Variants in FARS2 observed in about 807,000 individuals in gnomAD.
FARS2 encodes the protein phenylalanine--tRNA ligase, mitochondrial.
In FARS2, 40 loss-of-function variants were observed where a neutral mutation model predicts 46.4. That is an observed-to-expected ratio of 0.86 (90% CI 0.67 to 1.12). The LOEUF is 1.12. FARS2 is among the 50% of genes most tolerant of loss of function. FARS2 has a pLI of 0.00. For synonymous variants in FARS2, 234 were observed against 214.9 expected (o/e 1.09, Z -0.78); for missense variants, 513 against 567.9 (o/e 0.90, Z 0.98).
At chr6:5,718,448 A>G (rs1312957537) in intron 6 of FARS2, among the ~76,000 whole-genome samples, 1 of 152,146 alleles carries the variant, frequency 6.6e-6, no homozygotes, top group African/African-American at 2.4e-5. Flanking sequence ...CTGTGATACA[A>G]GTGTTGGCGG....
chr6:5,260,593 C>A (rs1393355450), upstream of FARS2: 2 of 1,199,134 alleles, frequency 1.7e-6, no homozygotes, highest in African/African-American at 3.2e-5. Flanking sequence ...AGCCCGCACC[C>A]CCGGTCCCCG....
intron 6 of FARS2, among the ~76,000 whole-genome samples, chr6:5,625,292 C>T (rs1355016202): frequency 5.9e-5 from 9 of 152,166 alleles, no homozygotes; most frequent in African/African-American, 1.9e-4. Flanking sequence ...TTGGGCCTCA[C>T]GTTGCTGGTC....
chr6:5,325,713 A>G (rs1326967985), intron 1 of FARS2, among the ~76,000 whole-genome samples: 1 of 152,206 alleles, frequency 6.6e-6, no homozygotes, highest in African/African-American at 2.4e-5. Flanking sequence ...GAAAATTTTA[A>G]ATGATTTTTT....
chr6:5,333,392 C>T (rs797131), intron 1 of FARS2, among the ~76,000 whole-genome samples: 59,410 of 151,986 alleles, frequency 0.39, 11,836 homozygotes, highest in African/African-American at 0.43. Context: ...GAGCCCAGGA[C>T]TGTTTCTTTC....
At chr6:5,295,690 G>T (rs1183643005) in intron 1 of FARS2, among the ~76,000 whole-genome samples, 1 of 152,088 alleles carries the variant, frequency 6.6e-6, no homozygotes, top group Non-Finnish European at 1.5e-5. Flanking sequence ...CAGTAGAATC[G>T]GTTGTTTTTA....
chr6:5,746,935 G>A (rs961296664), intron 6 of FARS2, among the ~76,000 whole-genome samples: 3 of 152,220 alleles, frequency 2.0e-5, no homozygotes, highest in African/African-American at 7.2e-5. Flanking sequence ...TATGATGGGA[G>A]AGCGTGTGCA....
At chr6:5,615,383 C>G (rs1249255367) in intron 6 of FARS2, among the ~76,000 whole-genome samples, 3 of 152,140 alleles carry the variant, frequency 2.0e-5, no homozygotes, top group Admixed American at 1.3e-4. Flanking sequence ...TCTTTTCTCC[C>G]TTGTGTACCT....
chr6:5,460,395 G>T (rs1251425226), intron 4 of FARS2, among the ~76,000 whole-genome samples: 1 of 152,202 alleles, frequency 6.6e-6, no homozygotes, highest in African/African-American at 2.4e-5. Context: ...CAGTTGGAGG[G>T]CCAGAAACCA....
chr6:5,329,899 C>T (rs79982774), intron 1 of FARS2, among the ~76,000 whole-genome samples: 1,729 of 152,204 alleles, frequency 0.011, 29 homozygotes, highest in African/African-American at 0.04. Flanking sequence ...TTAATTACAT[C>T]GACATGATAG....
chr6:5,616,010 TAAAAAAAAAAA>T (rs11327256), intron 6 of FARS2, among the ~76,000 whole-genome samples: 11 of 95,830 alleles, frequency 1.1e-4, no homozygotes, highest in Admixed American at 1.1e-3. Flanking sequence ...CCATAGCTCT[TAAAAAAAAAAA>T]AAAAAAAAAA....
intron 6 of FARS2, among the ~76,000 whole-genome samples, chr6:5,712,045 A>G (rs1053683470): frequency 3.9e-5 from 6 of 152,216 alleles, no homozygotes; most frequent in Non-Finnish European, 7.3e-5. Flanking sequence ...AATTATATAA[A>G]CTTAATTACA....
chr6:5,380,495 C>T (rs184444980), intron 2 of FARS2, among the ~76,000 whole-genome samples: 67 of 152,296 alleles, frequency 4.4e-4, no homozygotes, highest in Non-Finnish European at 8.4e-4. Context: ...TGTGTATCAT[C>T]GAATGCTACT....
chr6:5,486,377 G>A (rs1259107210), intron 4 of FARS2, among the ~76,000 whole-genome samples: 1 of 152,142 alleles, frequency 6.6e-6, no homozygotes, highest in Admixed American at 6.5e-5. Flanking sequence ...CGCAGAACAG[G>A]TCTGTTCTTG....
In FARS2 at chr6:5,438,251, C is replaced by G. The variant is rs1322800310; in HGVS notation, c.904+7079C>G. On this transcript the variant is annotated intron_variant, in intron 4 of 6. Coordinates refer to ENST00000274680, the MANE Select transcript of FARS2 (RefSeq NM_006567.5). ...AAGGCTTCTACCCACCCCCCGCCCCCCCCCCCATTTTTGTTTTTCAGCCAT... is the reference window on the plus strand; with the variant it reads ...AAGGCTTCTACCCACCCCCCGCCCCGCCCCCCATTTTTGTTTTTCAGCCAT... Among the ~76,000 whole-genome samples, 32 of 80,342 alleles carry G rather than the reference C, an allele frequency of 4.0e-4. 4 individuals carry two copies. The highest frequency in any genetic ancestry group is 1.4e-3 in the African/African-American group (28 of 20,248). 52.7% of individuals were successfully genotyped at this position (80,342 alleles called of 152,430 possible). A position where few individuals can be genotyped will look rare whatever the true frequency, so the allele number is the denominator to read the frequency against.
intron 2 of FARS2, among the ~76,000 whole-genome samples, chr6:5,399,486 G>A (rs1338000827): frequency 6.6e-6 from 1 of 152,004 alleles, no homozygotes; most frequent in East Asian, 1.9e-4. Flanking sequence ...GTTTTGCGTA[G>A]ATAAAGTATT....
chr6:5,617,166 T>C lies in FARS2; in HGVS notation c.1217+3846T>C, dbSNP rs572026048. Among the ~76,000 whole-genome samples the C allele has an allele frequency of 2.6e-5, 4 of 151,904 alleles. No homozygotes were observed. The South Asian group carries it at 6.3e-4, about 24-fold the overall frequency. On this transcript the variant is annotated intron_variant, in intron 6 of 6. Coordinates refer to ENST00000274680, the MANE Select transcript of FARS2 (RefSeq NM_006567.5). ...AAATATTTTTCTAAAAAAAATAGAG[T>C]ATTAGAAATACTCTTAATGCAGGTA...
chr6:5,278,772 G>A (rs570176348), intron 1 of FARS2, among the ~76,000 whole-genome samples: 2 of 152,212 alleles, frequency 1.3e-5, no homozygotes, highest in African/African-American at 2.4e-5. Flanking sequence ...TCTCCACCCC[G>A]TGTGATACAC....
chr6:5,685,454 C>T (rs1757128880), intron 6 of FARS2, among the ~76,000 whole-genome samples: 1 of 152,182 alleles, frequency 6.6e-6, no homozygotes. Context: ...CTTTGCAACA[C>T]CCTGCAAGTC....
chr6:5,737,528 C>A (rs1383068178), intron 6 of FARS2, among the ~76,000 whole-genome samples: 1 of 152,210 alleles, frequency 6.6e-6, no homozygotes, highest in Non-Finnish European at 1.5e-5. Context: ...AAGACCCTGT[C>A]TGAAAAAGAA....
Sources: allele counts gnomAD v4.1 joint callset (sites outside exome capture counted in the v4.1 genomes callset), GRCh38; gene constraint gnomAD v4.1.1; transcripts MANE v1.5; gene names NCBI Gene and HGNC (gene_info 2026-07-23, HGNC 2026-07-21).